Variants in FRMD3 observed in about 807,000 individuals in gnomAD.
FRMD3 encodes the protein FERM domain containing 3.
FRMD3 carries 33 observed loss-of-function variants against 70.2 expected under a neutral mutation model. The observed-to-expected ratio is 0.47, with a 90% CI of 0.36 to 0.63. The LOEUF is 0.63. FRMD3 is among the 20% of genes least tolerant of loss of function. The pLI is 0.00. For missense variants in FRMD3, 632 were observed against 711.4 expected, an observed-to-expected ratio of 0.89 and a Z score of 1.27; for synonymous variants, 279 against 255.9, an observed-to-expected ratio of 1.09 and a Z score of -0.86.
chr9:83,491,910 G>T (rs924486673), intron 1 of FRMD3, among the ~76,000 whole-genome samples: 1 of 152,228 alleles, frequency 6.6e-6, no homozygotes, highest in Non-Finnish European at 1.5e-5. Flanking sequence ...AACAAGAAAT[G>T]AGAAGAGACA....
At chr9:83,424,941 G>A (rs912946326) in intron 1 of FRMD3, among the ~76,000 whole-genome samples, 5 of 152,128 alleles carry the variant, frequency 3.3e-5, no homozygotes, top group African/African-American at 4.8e-5. Context: ...ATTGTCCTGC[G>A]CTACTGCTCC....
chr9:83,539,039 T>C (rs1488284163), upstream of FRMD3, among the ~76,000 whole-genome samples: 1 of 152,216 alleles, frequency 6.6e-6, no homozygotes, highest in East Asian at 1.9e-4. Flanking sequence ...GCCTTCCATG[T>C]GCAAATCCTC....
At chr9:83,502,551 T>C (rs1226643269) in intron 1 of FRMD3, among the ~76,000 whole-genome samples, 1 of 152,060 alleles carries the variant, frequency 6.6e-6, no homozygotes, top group Non-Finnish European at 1.5e-5. Flanking sequence ...TCTTAATAAA[T>C]GGGCCTGTTA....
intron 1 of FRMD3, among the ~76,000 whole-genome samples, chr9:83,410,977 T>G (rs1187518064): frequency 6.6e-6 from 1 of 152,140 alleles, no homozygotes; most frequent in Non-Finnish European, 1.5e-5. Context: ...AAATGGTACA[T>G]TTTGCTGTCC....
chr9:83,559,134 CATTCTATTGTGG>C, the FRMD3 span, among the ~76,000 whole-genome samples: 1 of 152,146 alleles, frequency 6.6e-6, no homozygotes, highest in African/African-American at 2.4e-5. Context: ...TTTTGAAAGA[CATTCTATTGTGG>C]ATTAAAGGCT....
intron 13 of FRMD3, among the ~76,000 whole-genome samples, chr9:83,258,273 A>G (rs867426795): frequency 5.3e-5 from 8 of 152,370 alleles, no homozygotes; most frequent in South Asian, 2.1e-4. Context: ...AGACCTTTTC[A>G]GTGCACAGTA....
At chr9:83,342,090 T>TCTCTC (rs1258114673) in intron 5 of FRMD3, among the ~76,000 whole-genome samples, 1 of 140,938 alleles carries the variant, frequency 7.1e-6, no homozygotes, top group African/African-American at 2.8e-5. Flanking sequence ...CCAGCCTGCC[T>TCTCTC]TCTCTCTCAT....
At chr9:83,341,253 T>C (rs889093862) in intron 5 of FRMD3, among the ~76,000 whole-genome samples, 1 of 152,192 alleles carries the variant, frequency 6.6e-6, no homozygotes, top group Admixed American at 6.5e-5. Flanking sequence ...TTTTGAGGTC[T>C]GCCAGTCCAT....
intron 13 of FRMD3, among the ~76,000 whole-genome samples, chr9:83,249,020 C>T (rs1046967613): frequency 7.9e-5 from 12 of 152,126 alleles, no homozygotes; most frequent in African/African-American, 2.9e-4. Context: ...TATACCCAAG[C>T]TTAAATCATG....
intron 1 of FRMD3, among the ~76,000 whole-genome samples, chr9:83,483,948 T>C (rs1258771980): frequency 6.6e-6 from 1 of 152,186 alleles, no homozygotes; most frequent in Non-Finnish European, 1.5e-5. Flanking sequence ...AGAAAAGTGT[T>C]TCAAGAAAAG....
rs372995347 is a variant in FRMD3 at position 83,298,813 on chromosome 9, C to G, written c.1005G>C (p.Gly335=). ...FFKGSRFRYS[G]KVAKEVVEAS... ...CCTCCACCACCTCTTTGGCAACTTT[C>G]CCACTGCAAAAGACAGAAACACATG... Residue 335 remains glycine (G), a synonymous_variant, in exon 12 of 14, where the codon GGG becomes GGC. Coordinates refer to ENST00000304195, the MANE Select transcript of FRMD3 (RefSeq NM_174938.6). 3 of 1,613,994 alleles carry G rather than the reference C, an allele frequency of 1.9e-6. No homozygotes were observed. In the African/African-American group the frequency reaches 4.0e-5, roughly 22 times the overall value.
intron 1 of FRMD3, among the ~76,000 whole-genome samples, chr9:83,438,413 T>G (rs115056720): frequency 1.3e-3 from 196 of 151,242 alleles, no homozygotes; most frequent in Admixed American, 3.5e-3. Flanking sequence ...GAGAGTTTTT[T>G]TTTTGTTTTG....
chr9:83,396,436 A>G (rs1267543406), intron 1 of FRMD3, among the ~76,000 whole-genome samples: 1 of 152,228 alleles, frequency 6.6e-6, no homozygotes, highest in Non-Finnish European at 1.5e-5. Context: ...ATGCGTGTAC[A>G]CACATGCACG....
At chr9:83,250,331 CCTTGGGT>C (rs749393618) in intron 13 of FRMD3, among the ~76,000 whole-genome samples, 1 of 152,160 alleles carries the variant, frequency 6.6e-6, no homozygotes, top group Non-Finnish European at 1.5e-5. Context: ...GCCACCAGGG[CCTTGGGT>C]CTGATACACA....
chr9:83,405,339 G>C (rs1437461635), intron 1 of FRMD3, among the ~76,000 whole-genome samples: 1 of 152,136 alleles, frequency 6.6e-6, no homozygotes, highest in Non-Finnish European at 1.5e-5. Flanking sequence ...TGTTAGCAGA[G>C]CGCCACCCTG....
chr9:83,368,181 A>C (rs1218106445), intron 3 of FRMD3, among the ~76,000 whole-genome samples: 1 of 152,190 alleles, frequency 6.6e-6, no homozygotes, highest in African/African-American at 2.4e-5. Flanking sequence ...GGCACAGCAC[A>C]GGCAGGTTTT....
chr9:83,447,477 A>T (rs1827513496), intron 1 of FRMD3, among the ~76,000 whole-genome samples: 1 of 152,222 alleles, frequency 6.6e-6, no homozygotes, highest in African/African-American at 2.4e-5. Flanking sequence ...ATAGGCAATC[A>T]GACCTTTCAG....
intron 12 of FRMD3, chr9:83,297,577 C>G: frequency 2.9e-6 from 1 of 346,398 alleles, no homozygotes; most frequent in Non-Finnish European, 5.8e-6. Context: ...CTCTTCATTT[C>G]TGCTGCATTG....
At chr9:83,505,815 C>T (rs1829168904) in intron 1 of FRMD3, among the ~76,000 whole-genome samples, 1 of 152,180 alleles carries the variant, frequency 6.6e-6, no homozygotes, top group Non-Finnish European at 1.5e-5. Context: ...GCATAATTTT[C>T]CTGCATCGCA....
Sources: gnomAD v4.1 joint callset for allele counts (sites outside exome capture counted in the v4.1 genomes callset) on GRCh38, gnomAD v4.1.1 for gene constraint, MANE v1.5 for transcripts, NCBI Gene and HGNC (gene_info 2026-07-23, HGNC 2026-07-21) for gene names.